The following AGAP1 variants were observed in gnomAD, a reference collection of about 807,000 sequenced individuals.
The protein encoded by AGAP1 is ArfGAP with GTPase domain, ankyrin repeat and PH domain 1.
AGAP1 carries 29 observed loss-of-function variants against 105.3 expected under a neutral mutation model. The observed-to-expected ratio is 0.28, with a 90% CI of 0.21 to 0.38. The LOEUF is 0.38. AGAP1 is among the 10% of genes least tolerant of loss of function. The probability of loss-of-function intolerance (pLI) is 1.00; values close to 1 mark genes in which losing one functional copy is unlikely to be tolerated. For missense variants in AGAP1, 998 were observed against 1,165.1 expected, an observed-to-expected ratio of 0.86 and a Z score of 2.09; for synonymous variants, 509 against 485.9, an observed-to-expected ratio of 1.05 and a Z score of -0.63.
intron 16 of AGAP1, among the ~76,000 whole-genome samples, chr2:236,102,436 AAGTT>A (rs2059378348): frequency 6.7e-6 from 1 of 149,302 alleles, no homozygotes; most frequent in South Asian, 2.1e-4. Context: ...AAAAAAAAAA[AAGTT>A]AGCTGGGTGT....
rs1952307137 is a variant in AGAP1 at position 235,737,243 on chromosome 2, A to G, written c.311-3720A>G. 6.6e-6 allele frequency among the ~76,000 whole-genome samples: 1 copy of G among 152,254 alleles called. No homozygotes were observed. Among genetic ancestry groups the G allele is most frequent in the African/African-American group, 2.4e-5 (1 of 41,464 alleles). ...GAGTTCGTGGCAAATACTTAGCAGT[A>G]TTTAATTTTTGCTTTCTGATTTAAG... On this transcript the variant is annotated intron_variant, in intron 3 of 17. Transcript: ENST00000304032. The surrounding 1 kb of genome is among the most constrained non-coding windows in gnomAD (Gnocchi z 4.5).
intron 9 of AGAP1, among the ~76,000 whole-genome samples, chr2:235,831,082 G>C (rs1008421880): frequency 6.6e-6 from 1 of 151,824 alleles, no homozygotes; most frequent in Non-Finnish European, 1.5e-5. Flanking sequence ...AGTCACAGTG[G>C]TACCAGCACC....
At position 235,747,478 on chromosome 2, in the gene AGAP1, G is replaced by A. The variant is rs759045437; in HGVS notation, c.538+2639G>A. On this transcript the variant is annotated intron_variant, in intron 5 of 17. Transcript: ENST00000304032. This position sits in a 1 kb window ranked among gnomAD's most constrained non-coding sequence, Gnocchi z 5.0. ...AGGTAAGCTGGCCCCACGCCCTCCCGGGGTGAGCAGGTAAGCGGGCCCCAT... is the reference window on the plus strand; with the variant it reads ...AGGTAAGCTGGCCCCACGCCCTCCCAGGGTGAGCAGGTAAGCGGGCCCCAT... Among the ~76,000 whole-genome samples, 4 of 151,826 alleles carry A rather than the reference G, an allele frequency of 2.6e-5. No homozygotes were observed. In the South Asian group the frequency reaches 6.2e-4, roughly 24 times the overall value.
rs559805742 is a variant in AGAP1, at chr2:235,723,952, G to A, written c.310+6308G>A. ...GTGTGAAAGTGGCAAAAGGAGGGCC[G>A]GGGCCTGCCTGCCACTGAGGCCCAG... On this transcript the variant is annotated intron_variant, in intron 3 of 17. Coordinates refer to ENST00000304032, the MANE Select transcript of AGAP1 (RefSeq NM_001037131.3). The surrounding 1 kb of genome is among the most constrained non-coding windows in gnomAD (Gnocchi z 6.2). 4.6e-5 allele frequency among the ~76,000 whole-genome samples: 7 copies of A among 152,300 alleles called. No individual in the cohort carries two copies. The highest frequency in any genetic ancestry group is 1.2e-4 in the African/African-American group (5 of 41,576).
At chr2:235,539,964 C>T (rs1943379054) in intron 1 of AGAP1, among the ~76,000 whole-genome samples, 2 of 152,146 alleles carry the variant, frequency 1.3e-5, no homozygotes, top group South Asian at 2.1e-4. Flanking sequence ...TCCTGGTCTC[C>T]GTTCAGGCCC....
intron 9 of AGAP1, among the ~76,000 whole-genome samples, chr2:235,833,855 G>GTTTTTTTTTTTTTTTTTTTT (rs77488721): frequency 8.0e-6 from 1 of 124,926 alleles, no homozygotes; most frequent in Non-Finnish European, 1.6e-5. Context: ...CTCCAATCTG[G>GTTTTTTTTTTTTTTTTTTTT]TTTTTTTTTT....
chr2:235,822,512 GAGCAGCTCAAGAATGAAGAGAAGCTGA>G (rs1958849956), intron 9 of AGAP1, among the ~76,000 whole-genome samples: 2 of 151,884 alleles, frequency 1.3e-5, no homozygotes, highest in Non-Finnish European at 2.9e-5. Flanking sequence ...AGAGAAGCTG[GAGCAGCTCAAGAATGAAGAGAAGCTGA>G]AGAAGCTCAA....
intron 1 of AGAP1, among the ~76,000 whole-genome samples, chr2:235,530,650 T>C (rs919596481): frequency 1.3e-5 from 2 of 152,230 alleles, no homozygotes; most frequent in Non-Finnish European, 2.9e-5. Context: ...CACTCCATCC[T>C]GACGTCCCCT....
In AGAP1 at chr2:236,045,944, A is replaced by G. The variant is rs887919306; in HGVS notation, c.1892-3115A>G. ...CCCTGCAACATTTTGGGTTTCAGAGAATTCGGAGTCCGGCACAGGAATGTG... is the reference window on the plus strand; with the variant it reads ...CCCTGCAACATTTTGGGTTTCAGAGGATTCGGAGTCCGGCACAGGAATGTG... On this transcript the variant is annotated intron_variant, in intron 15 of 17. Coordinates refer to ENST00000304032, the MANE Select transcript of AGAP1 (RefSeq NM_001037131.3). The surrounding 1 kb of genome is among the most constrained non-coding windows in gnomAD (Gnocchi z 6.9). The G allele has an allele frequency of 2.1e-6, 1 of 471,406 alleles. No homozygotes were observed. The highest frequency in any genetic ancestry group is 2.0e-5 in the African/African-American group (1 of 50,020). The allele number at this position is 471,406 out of a possible 1,614,324, so 29.2% of individuals were successfully genotyped here.
In AGAP1 at chr2:235,691,046, A is replaced by G. The variant is rs1302572383; in HGVS notation, c.164-18133A>G. Among the ~76,000 whole-genome samples, 1 of 152,256 alleles carries G rather than the reference A, an allele frequency of 6.6e-6. No homozygotes were observed. Among genetic ancestry groups the G allele is most frequent in the Non-Finnish European group, 1.5e-5 (1 of 68,022 alleles). ...TTAGAACACTCAGATTAGTGTGCCT[A>G]GAGTGCCAAGGTGGGGGTTGTAGAC... On this transcript the variant is annotated intron_variant, in intron 1 of 17. Coordinates refer to ENST00000304032, the MANE Select transcript of AGAP1 (RefSeq NM_001037131.3). The surrounding 1 kb of genome is among the most constrained non-coding windows in gnomAD (Gnocchi z 4.4).
rs1456530612 is a variant in AGAP1, at chr2:236,090,843, G to A, written c.2115-29349G>A. On this transcript the variant is annotated intron_variant, in intron 16 of 17. Coordinates refer to ENST00000304032, the MANE Select transcript of AGAP1 (RefSeq NM_001037131.3). The surrounding 1 kb of genome is among the most constrained non-coding windows in gnomAD (Gnocchi z 4.3). ...CAACCCCCGCCTCCCAGGTTCAAGC[G>A]ATTCTCATGCCTCAGCCTCCTGAGT... 1.6e-4 allele frequency among the ~76,000 whole-genome samples: 25 copies of A among 152,258 alleles called. No individual in the cohort carries two copies. Among genetic ancestry groups the A allele is most frequent in the Admixed American group, 1.6e-3 (25 of 15,290 alleles).
chr2:235,702,047 A>AC (rs1170743466), intron 1 of AGAP1, among the ~76,000 whole-genome samples: 2 of 152,136 alleles, frequency 1.3e-5, no homozygotes, highest in East Asian at 3.9e-4. Context: ...TTAAAATGTC[A>AC]CCTGCAATTT....
In AGAP1 at chr2:235,784,628, TTC is replaced by T. The variant is rs1469172728; in HGVS notation, c.674-13125_674-13124del. 3.3e-5 allele frequency among the ~76,000 whole-genome samples: 5 copies of T among 151,054 alleles called. No homozygotes were observed. In the East Asian group the frequency reaches 9.7e-4, roughly 29 times the overall value. ...AAAAAAAAAAAAAACCATGAAAAGT[TTC>T]TCTCTGCTATATACTTAACTCTTCA... On this transcript the variant is annotated intron_variant, in intron 6 of 17. Transcript: ENST00000304032.
chr2:235,811,847 C>T (rs935951288), intron 9 of AGAP1, among the ~76,000 whole-genome samples: 11 of 152,370 alleles, frequency 7.2e-5, no homozygotes, highest in African/African-American at 2.6e-4. Flanking sequence ...AAAAACATTG[C>T]CTACGACTTT....
intron 1 of AGAP1, among the ~76,000 whole-genome samples, chr2:235,685,050 G>A (rs1022313765): frequency 2.0e-5 from 3 of 152,088 alleles, no homozygotes; most frequent in African/African-American, 7.2e-5. Context: ...AGAGTCAGGG[G>A]TGTGCAGGTT....
At position 235,951,518 on chromosome 2, in the gene AGAP1, A is replaced by T. The variant is rs1055783332; in HGVS notation, c.1484-16944A>T. Among the ~76,000 whole-genome samples the T allele has an allele frequency of 1.1e-4, 16 of 152,172 alleles. No homozygotes were observed. The highest frequency in any genetic ancestry group is 1.8e-4 in the Non-Finnish European group (12 of 68,034). On this transcript the variant is annotated intron_variant, in intron 12 of 17. Transcript: ENST00000304032. The surrounding 1 kb of genome is among the most constrained non-coding windows in gnomAD (Gnocchi z 4.2). ...TGTTCTTCTCGTTATTTTTGGAATG[A>T]TTGCAGGGTTGGTTTAAGATTGCCA...
At position 235,744,416 on chromosome 2, in the gene AGAP1, C is replaced by A. The variant is rs992174396; in HGVS notation, c.397-282C>A. Reference sequence around the variant, plus strand: ...GGCGGACAGGCCAGGAGCATGAGGACCGCGGGGACACTGTGTGGTTTGTGT... The same window carrying A: ...GGCGGACAGGCCAGGAGCATGAGGAACGCGGGGACACTGTGTGGTTTGTGT... On this transcript the variant is annotated intron_variant, in intron 4 of 17. Coordinates refer to ENST00000304032, the MANE Select transcript of AGAP1 (RefSeq NM_001037131.3). The surrounding 1 kb of genome is among the most constrained non-coding windows in gnomAD (Gnocchi z 5.2). Among the ~76,000 whole-genome samples the A allele has an allele frequency of 2.0e-5, 3 of 152,132 alleles. No individual in the cohort carries two copies. The highest frequency in any genetic ancestry group is 4.4e-5 in the Non-Finnish European group (3 of 68,024).
intron 6 of AGAP1, among the ~76,000 whole-genome samples, chr2:235,756,740 C>G (rs1374234963): frequency 6.6e-6 from 1 of 152,122 alleles, no homozygotes; most frequent in Non-Finnish European, 1.5e-5. Flanking sequence ...GCCTTAGATT[C>G]TCCTAGGAGC....
chr2:235,805,280 G>A (rs1957781103), intron 8 of AGAP1, among the ~76,000 whole-genome samples: 1 of 152,146 alleles, frequency 6.6e-6, no homozygotes, highest in Admixed American at 6.5e-5. Context: ...ATTGAGTTTG[G>A]TGGTTCACAG....
Sources: gnomAD v4.1 joint callset for allele counts (sites outside exome capture counted in the v4.1 genomes callset) on GRCh38, gnomAD v4.1.1 for gene constraint, Gnocchi (gnomAD v3.1) non-coding constraint, MANE v1.5 for transcripts, NCBI Gene and HGNC (gene_info 2026-07-23, HGNC 2026-07-21) for gene names.